Variants in TP53BP1 observed in about 807,000 individuals in gnomAD.
TP53BP1 encodes the protein TP53-binding protein 1.
In TP53BP1, 61 loss-of-function variants were observed where a neutral mutation model predicts 200.8. The observed-to-expected ratio is 0.30, with a 90% CI of 0.25 to 0.38. The LOEUF (loss-of-function observed/expected upper bound fraction) is 0.38, where lower values mean the gene tolerates loss of function less well. TP53BP1 is among the 10% of genes least tolerant of loss of function. The pLI is 1.00. For missense variants in TP53BP1, 2,144 were observed against 2,371.9 expected (o/e 0.90, Z 2.00); for synonymous variants, 822 against 844.3 (o/e 0.97, Z 0.46).
chr15:43,410,967 C>T (rs1371808171), intron 24 of TP53BP1, among the ~76,000 whole-genome samples: 2 of 152,202 alleles, frequency 1.3e-5, no homozygotes, highest in Non-Finnish European at 2.9e-5. Flanking sequence ...TACAGCAGGG[C>T]TATTTCTCAG....
chr15:43,441,273 G>A (rs2045919983), intron 15 of TP53BP1: 3 of 349,744 alleles, frequency 8.6e-6, no homozygotes, highest in African/African-American at 6.3e-5. Flanking sequence ...AAAAAGGGGG[G>A]AAAGGAACTC....
At chr15:43,426,825 T>A (rs1011392495) in intron 18 of TP53BP1, among the ~76,000 whole-genome samples, 2 of 147,712 alleles carry the variant, frequency 1.4e-5, no homozygotes, top group Non-Finnish European at 3.0e-5. Context: ...CTGGCCAAGA[T>A]GGTGAAACCC....
At chr15:43,490,941 T>C (rs2140153880) in intron 4 of TP53BP1, among the ~76,000 whole-genome samples, 2 of 152,266 alleles carry the variant, frequency 1.3e-5, no homozygotes, top group Middle Eastern at 6.8e-3. Context: ...ATGGGTATTA[T>C]AAAGATATGC....
intron 11 of TP53BP1, among the ~76,000 whole-genome samples, chr15:43,468,916 CAA>C (rs978759518): frequency 6.6e-6 from 1 of 152,174 alleles, no homozygotes; most frequent in East Asian, 1.9e-4. Flanking sequence ...TTTAACAAAA[CAA>C]GTTTTAAAAC....
intron 14 of TP53BP1, among the ~76,000 whole-genome samples, chr15:43,444,299 A>T (rs1369420955): frequency 1.3e-5 from 2 of 152,084 alleles, no homozygotes; most frequent in African/African-American, 2.4e-5. Flanking sequence ...TTGAGATGAG[A>T]TGTCACTATG....
intron 7 of TP53BP1, among the ~76,000 whole-genome samples, 200 bp downstream of exon 7, chr15:43,479,197 G>C (rs529484279): frequency 6.6e-6 from 1 of 152,002 alleles, no homozygotes; most frequent in African/African-American, 2.4e-5. Context: ...GTTTCAAACA[G>C]ACAGACAGAC....
At chr15:43,424,352 C>T (rs1438907321) in intron 18 of TP53BP1, among the ~76,000 whole-genome samples, 3 of 152,188 alleles carry the variant, frequency 2.0e-5, no homozygotes, top group Non-Finnish European at 2.9e-5. Context: ...CTCCAAATCA[C>T]CCTCTCTCAT....
At chr15:43,408,835 C>T (rs1198648118) in intron 26 of TP53BP1, 62 bp downstream of exon 26, 1 of 1,532,060 alleles carries the variant, frequency 6.5e-7, no homozygotes, top group African/African-American at 1.4e-5. Context: ...CCTAGATTCT[C>T]TTCCCTCCAA....
In TP53BP1 at chr15:43,493,091, C is replaced by G. The variant is rs1335016226; in HGVS notation, c.-48G>C. 3 of 1,610,448 alleles carry G rather than the reference C, an allele frequency of 1.9e-6. No homozygotes were observed. The highest frequency in any genetic ancestry group is 2.5e-6 in the Non-Finnish European group (3 of 1,179,098). Reference sequence around the variant, plus strand: ...TCGAGCTAGAGGTCTCTGCACGCTCCCCAAGTCCCTCCAGATCGATCCCTA... The same window carrying G: ...TCGAGCTAGAGGTCTCTGCACGCTCGCCAAGTCCCTCCAGATCGATCCCTA... On this transcript the variant is annotated 5_prime_UTR_variant, in exon 1 of 28. Transcript: ENST00000382044.
At chr15:43,415,422 GA>G (rs2045240881) in intron 23 of TP53BP1, 171 bp downstream of exon 23, 2 of 732,900 alleles carry the variant, frequency 2.7e-6, no homozygotes, top group South Asian at 2.9e-5. Flanking sequence ...GGGGATGGGG[GA>G]GGAGGGATAC....
At chr15:43,416,507 G>A in intron 21 of TP53BP1, 91 bp from the exon 22 acceptor site, 1 of 1,289,546 alleles carries the variant, frequency 7.8e-7, no homozygotes, top group South Asian at 1.4e-5. Flanking sequence ...GCCTGAGTTA[G>A]GGAATTTAGA....
At chr15:43,460,269 G>GTTTTT (rs2143012245) in intron 11 of TP53BP1, among the ~76,000 whole-genome samples, 1 of 152,028 alleles carries the variant, frequency 6.6e-6, no homozygotes, top group South Asian at 2.1e-4. Flanking sequence ...GTTTTGTTTT[G>GTTTTT]TTTTGTTTTG....
intron 10 of TP53BP1, among the ~76,000 whole-genome samples, chr15:43,473,517 G>T (rs190273209): frequency 1.3e-5 from 2 of 152,286 alleles, no homozygotes; most frequent in Admixed American, 6.5e-5. Flanking sequence ...CCCTGAGCTA[G>T]ACACAGGGTG....
At chr15:43,477,077 G>A (rs922854341) in intron 8 of TP53BP1, among the ~76,000 whole-genome samples, 1 of 152,104 alleles carries the variant, frequency 6.6e-6, no homozygotes, top group Admixed American at 6.6e-5. Flanking sequence ...AAGGCAGGCG[G>A]ATCACAAGGT....
intron 1 of TP53BP1, 108 bp downstream of exon 1, chr15:43,492,929 T>G: frequency 4.6e-6 from 5 of 1,091,368 alleles, no homozygotes; most frequent in Non-Finnish European, 3.8e-6. Flanking sequence ...CCCTTCCCCG[T>G]CACCGCCGCC....
chr15:43,477,724 A>G lies in TP53BP1; in HGVS notation c.824T>C (p.Val275Ala), dbSNP rs1489107954. ...CTGTTCTTTTGCTTCCATAGCAGCA[A>G]CAGATGCTTTGGGGCTAAAAGGCAT... is the stretch of plus-strand genomic sequence containing the variant. ...EDMPFSPKAS[V>A]AAMEAKEQLS... is the part of the protein sequence containing the mutation. The change falls in exon 8 of 28, where the codon GTT becomes GCT. Residue 275 changes from valine to alanine, a missense_variant. Transcript: ENST00000382044. 6.2e-7 allele frequency: 1 copy of G among 1,611,662 alleles called. No individual in the cohort carries two copies.
intron 1 of TP53BP1, 25 bp from the exon 2 acceptor site, chr15:43,492,493 G>A (rs561839743): frequency 2.5e-6 from 4 of 1,599,358 alleles, no homozygotes; most frequent in Non-Finnish European, 3.4e-6. Flanking sequence ...CAAAAGATCA[G>A]TTCCGTGTAA....
intron 11 of TP53BP1, among the ~76,000 whole-genome samples, chr15:43,458,755 G>A (rs1397030610): frequency 6.6e-6 from 1 of 151,388 alleles, no homozygotes; most frequent in Non-Finnish European, 1.5e-5. Flanking sequence ...CTGTACACTA[G>A]CCTGGGTGAC....
chr15:43,412,662 T>C (rs1247591125), intron 24 of TP53BP1: 1 of 471,150 alleles, frequency 2.1e-6, no homozygotes, highest in Non-Finnish European at 4.4e-6. Context: ...CTCAGGAGAA[T>C]GAACCTTACC....
Sources: gnomAD v4.1 joint callset for allele counts (sites outside exome capture counted in the v4.1 genomes callset) on GRCh38, gnomAD v4.1.1 for gene constraint, MANE v1.5 for transcripts, NCBI Gene and HGNC (gene_info 2026-07-23, HGNC 2026-07-21) for gene names.